The following TANC2 variants were observed in gnomAD, a reference collection of about 807,000 sequenced individuals.
TANC2 encodes the protein tetratricopeptide repeat, ankyrin repeat and coiled-coil containing 2, also known as protein TANC2.
A neutral mutation model predicts 210.5 loss-of-function variants in TANC2; 26 were observed. The observed-to-expected ratio is 0.12, with a 90% confidence interval of 0.09 to 0.17. The LOEUF is 0.17. TANC2 is among the 10% of genes least tolerant of loss of function. The pLI, the probability that TANC2 is intolerant of heterozygous loss-of-function variation, is 1.00. For synonymous variants in TANC2, 931 were observed against 967.1 expected (o/e 0.96, Z 0.69); for missense variants, 2,129 against 2,608.9 (o/e 0.82, Z 4.01).
Position 63,257,440 on chromosome 17 carries a change from CCCCACCTCCTGGGCTCAAGTGATCCT to C in TANC2, c.1034-10299_1034-10274del, listed in dbSNP as rs569353518. On this transcript the variant is annotated intron_variant, in intron 8 of 27. Transcript: ENST00000689528. ...TGGCGTGTTCTTAGCTCACTGCAAC[CCCCACCTCCTGGGCTCAAGTGATCCT>C]CCCACCTCAGCCTCTCTAGTAACTG... is the stretch of plus-strand genomic sequence containing the variant. 1.6e-3 allele frequency among the ~76,000 whole-genome samples: 240 copies of C among 152,206 alleles called. 1 individual carries two copies. Among genetic ancestry groups the C allele is most frequent in the African/African-American group, 5.7e-3 (235 of 41,532 alleles).
chr17:63,069,017 A>C (rs147722737), intron 2 of TANC2, among the ~76,000 whole-genome samples: 5,108 of 152,214 alleles, frequency 0.034, 95 homozygotes, highest in Middle Eastern at 0.044. Context: ...CTGTATAATG[A>C]AAATATCAGC....
chr17:63,402,468 C>A (rs1031931085), intron 19 of TANC2, among the ~76,000 whole-genome samples: 1 of 152,168 alleles, frequency 6.6e-6, no homozygotes, highest in Admixed American at 6.5e-5. Flanking sequence ...CAGTTTATTT[C>A]TCCCCAGCCA....
chr17:63,247,623 A>G (rs922219005), intron 8 of TANC2, among the ~76,000 whole-genome samples: 1 of 152,170 alleles, frequency 6.6e-6, no homozygotes, highest in African/African-American at 2.4e-5. Context: ...CCATAATGTT[A>G]GTCTTTCTGG....
chr17:63,412,055 C>T lies in TANC2; in HGVS notation c.3823C>T (p.Arg1275Cys), dbSNP rs901125104. ...CGAGCACGTTGACTACAGTGGAATG[C>T]GCCCTTTGGATAGGGCAGTGGGGTG... The change falls in exon 23 of 28, where the codon CGC becomes TGC. Residue 1275 changes from arginine to cysteine, a missense_variant. Arg to Cys is a radical substitution (Grantham distance 180, BLOSUM62 -3). Transcript: ENST00000689528. The surrounding 1 kb of genome is among the most constrained non-coding windows in gnomAD (Gnocchi z 4.2). 3.1e-6 allele frequency: 5 copies of T among 1,613,810 alleles called. No individual in the cohort carries two copies. Among genetic ancestry groups the T allele is most frequent in the South Asian group, 1.1e-5 (1 of 91,068 alleles).
intron 4 of TANC2, among the ~76,000 whole-genome samples, chr17:63,103,590 G>A (rs1459313740): frequency 3.3e-5 from 5 of 152,052 alleles, no homozygotes; most frequent in African/African-American, 1.2e-4. Flanking sequence ...TAATACAACC[G>A]ACTTCATGGG....
Position 63,421,139 on chromosome 17 carries a change from C to T in TANC2, c.5409C>T (p.Arg1803=), listed in dbSNP as rs117474655. 33,478 of 1,613,988 alleles carry T rather than the reference C, an allele frequency of 0.021. 419 individuals are homozygous for T. Among genetic ancestry groups the T allele is most frequent in the South Asian group, 0.028 (2,580 of 91,076 alleles). ...ACAGCCAGACACCACAGATCGGACGCAGCCAGTCAGCATCCTATTACCCAG... is the reference window on the plus strand; with the variant it reads ...ACAGCCAGACACCACAGATCGGACGTAGCCAGTCAGCATCCTATTACCCAG... The change falls in exon 28 of 28, where the codon CGC becomes CGT. Residue 1803 remains arginine, a synonymous_variant. Transcript: ENST00000689528. The surrounding 1 kb of genome is among the most constrained non-coding windows in gnomAD (Gnocchi z 6.9).
chr17:63,424,228 C>G (rs998440009), exon 28 of TANC2: 3 of 152,248 alleles, frequency 2.0e-5, no homozygotes, highest in Non-Finnish European at 4.4e-5. Context: ...CAGGGTCTCT[C>G]AGTTTTCCAG....
intron 3 of TANC2, among the ~76,000 whole-genome samples, chr17:63,079,824 T>C (rs1251045870): frequency 6.6e-6 from 1 of 152,206 alleles, no homozygotes. Context: ...GTCTCTGATC[T>C]GTCTCTCTGG....
intron 8 of TANC2, among the ~76,000 whole-genome samples, chr17:63,253,906 C>T (rs895223980): frequency 2.0e-5 from 3 of 152,128 alleles, no homozygotes; most frequent in African/African-American, 7.2e-5. Context: ...GCCTCGGTCT[C>T]CCAAAGTGCT....
At chr17:63,215,255 G>A (rs1191437734) in intron 7 of TANC2, among the ~76,000 whole-genome samples, 1 of 152,174 alleles carries the variant, frequency 6.6e-6, no homozygotes, top group Admixed American at 6.5e-5. Context: ...AACAAGTAGA[G>A]AACCAATTAA....
rs1467541410 is a variant in TANC2 at position 63,311,713 on chromosome 17, C to A, written c.1160-2675C>A. On this transcript the variant is annotated intron_variant, in intron 9 of 27. Transcript: ENST00000689528. Reference sequence around the variant, plus strand: ...AATGTTCATAGCAGCATTAATCAGCCAAAAAGTGGAAGCAGCCCAAATGTT... The same window carrying A: ...AATGTTCATAGCAGCATTAATCAGCAAAAAAGTGGAAGCAGCCCAAATGTT... 2.0e-5 allele frequency among the ~76,000 whole-genome samples: 3 copies of A among 151,998 alleles called. No homozygotes were observed. In the East Asian group the frequency reaches 5.8e-4, roughly 29 times the overall value.
intron 7 of TANC2, among the ~76,000 whole-genome samples, chr17:63,233,659 G>A (rs1039476088): frequency 6.6e-6 from 1 of 152,166 alleles, no homozygotes; most frequent in African/African-American, 2.4e-5. Context: ...TATATTTCTC[G>A]TCAGCCATCT....
At chr17:63,289,680 C>T (rs1285014170) in intron 9 of TANC2, among the ~76,000 whole-genome samples, 1 of 152,154 alleles carries the variant, frequency 6.6e-6, no homozygotes, top group Non-Finnish European at 1.5e-5. Flanking sequence ...ACATCTCTGC[C>T]ATGTCTGGTT....
chr17:63,415,474 C>T (rs948073808), intron 25 of TANC2, 54 bp from the exon 26 acceptor site: 10 of 1,596,888 alleles, frequency 6.3e-6, no homozygotes, highest in African/African-American at 2.7e-5. Flanking sequence ...GACCACACTT[C>T]CTCAGCTGTT....
intron 17 of TANC2, among the ~76,000 whole-genome samples, chr17:63,392,889 A>G (rs2048027085): frequency 1.3e-5 from 2 of 152,214 alleles, no homozygotes; most frequent in African/African-American, 4.8e-5. Context: ...GAGTTTCTAT[A>G]TATCCTCCAT....
At chr17:62,973,670 A>G (rs1281946492) in intron 1 of TANC2, among the ~76,000 whole-genome samples, 1 of 152,204 alleles carries the variant, frequency 6.6e-6, no homozygotes, top group Non-Finnish European at 1.5e-5. Context: ...TGCTGGTGGC[A>G]AGAGGAAGAT....
At chr17:63,067,987 T>A (rs1364225976) in intron 2 of TANC2, among the ~76,000 whole-genome samples, 1 of 152,140 alleles carries the variant, frequency 6.6e-6, no homozygotes, top group East Asian at 1.9e-4. Context: ...ATAGGATAAA[T>A]GCAAAGAAAT....
At chr17:63,399,006 G>C (rs758719361) in intron 19 of TANC2, 92 bp downstream of exon 19, 15 of 902,272 alleles carry the variant, frequency 1.7e-5, no homozygotes. Flanking sequence ...CATACATTTG[G>C]CAGTCTTCTG....
chr17:63,299,545 T>C (rs1436688175), intron 9 of TANC2, among the ~76,000 whole-genome samples: 3 of 151,544 alleles, frequency 2.0e-5, no homozygotes, highest in African/African-American at 4.8e-5. Flanking sequence ...TTTTTTTTTT[T>C]TTTTTTGTAT....
Sources: gnomAD v4.1 joint callset for allele counts (sites outside exome capture counted in the v4.1 genomes callset) on GRCh38, gnomAD v4.1.1 for gene constraint, Gnocchi (gnomAD v3.1) non-coding constraint, MANE v1.5 for transcripts, NCBI Gene and HGNC (gene_info 2026-07-23, HGNC 2026-07-21) for gene names.